The following POU2F1 variants were observed in gnomAD, a reference collection of about 807,000 sequenced individuals.
POU2F1 encodes the protein POU class 2 homeobox 1.
A neutral mutation model predicts 84.9 loss-of-function variants in POU2F1; 16 were observed. That is an observed-to-expected ratio of 0.19 (90% CI 0.13 to 0.29). The LOEUF is 0.29. POU2F1 is among the 10% of genes least tolerant of loss of function. POU2F1 has a pLI of 1.00. For missense variants in POU2F1, 738 were observed against 942.6 expected (o/e 0.78, Z 2.84); for synonymous variants, 368 against 368.3 (o/e 1.00, Z 0.01).
intron 9 of POU2F1, 152 bp from the exon 10 acceptor site, chr1:167,396,134 G>A: frequency 3.6e-6 from 3 of 830,714 alleles, no homozygotes; most frequent in Non-Finnish European, 3.8e-6. Flanking sequence ...CTGGCTTAGG[G>A]ATGGAGTTTA....
intron 1 of POU2F1, among the ~76,000 whole-genome samples, chr1:167,225,580 T>C (rs1648569795): frequency 6.6e-6 from 1 of 152,234 alleles, no homozygotes; most frequent in Admixed American, 6.5e-5. Context: ...ACCAAAGATG[T>C]TTAATAGACC....
chr1:167,249,874 A>G (rs187201488), intron 1 of POU2F1, among the ~76,000 whole-genome samples: 1 of 152,338 alleles, frequency 6.6e-6, no homozygotes, highest in African/African-American at 2.4e-5. Flanking sequence ...GCAGTGGAGC[A>G]CTGTGATGAG....
chr1:167,222,042 C>T (rs1052766330), intron 1 of POU2F1, among the ~76,000 whole-genome samples: 8 of 152,144 alleles, frequency 5.3e-5, no homozygotes, highest in African/African-American at 1.7e-4. Flanking sequence ...CCCCCACCCC[C>T]TGCGCCTGAC....
chr1:167,377,623 G>C (rs1660419842), intron 7 of POU2F1, among the ~76,000 whole-genome samples: 1 of 152,066 alleles, frequency 6.6e-6, no homozygotes. Flanking sequence ...TGAGGAATTA[G>C]AAAAGTTTCC....
chr1:167,413,056 C>G lies in POU2F1; in HGVS notation c.1932C>G (p.Thr644=). The G allele has an allele frequency of 2.5e-6, 4 of 1,614,102 alleles. No individual in the cohort carries two copies. The highest frequency in any genetic ancestry group is 3.4e-6 in the Non-Finnish European group (4 of 1,179,986). The change falls in exon 15 of 16, where the codon ACC becomes ACG. Residue 644 remains threonine (T), a synonymous_variant. Coordinates refer to ENST00000367866, the MANE Select transcript of POU2F1 (RefSeq NM_002697.4). The part of the protein sequence containing the change: ...GGALLSLNPG[T]LSGALSPALM... ...CCTTACTCAGTCTGAATCCAGGGAC[C>G]CTGAGCGGTGCTCTCAGCCCAGCTC...
chr1:167,357,221 A>G (rs1658996271), intron 2 of POU2F1, among the ~76,000 whole-genome samples: 1 of 151,818 alleles, frequency 6.6e-6, no homozygotes, highest in African/African-American at 2.4e-5. Context: ...TGGCCCCCTT[A>G]TCTTCTTCTT....
chr1:167,284,261 A>G (rs113588480), intron 1 of POU2F1, among the ~76,000 whole-genome samples: 5 of 152,302 alleles, frequency 3.3e-5, no homozygotes, highest in African/African-American at 1.2e-4. Context: ...AAGGACCATA[A>G]AGAGTATTTA....
intron 1 of POU2F1, among the ~76,000 whole-genome samples, chr1:167,286,900 G>A (rs1653569557): frequency 6.6e-6 from 1 of 152,154 alleles, no homozygotes; most frequent in Admixed American, 6.5e-5. Context: ...CAAGCTCAAG[G>A]ATGTGAAGGA....
At chr1:167,384,220 C>T (rs1647788667) in intron 8 of POU2F1, among the ~76,000 whole-genome samples, 1 of 152,146 alleles carries the variant, frequency 6.6e-6, no homozygotes, top group Non-Finnish European at 1.5e-5. Context: ...CATCTCCCCT[C>T]ACCATACTTG....
At chr1:167,384,751 A>G (rs1272410946) in intron 8 of POU2F1, among the ~76,000 whole-genome samples, 1 of 152,084 alleles carries the variant, frequency 6.6e-6, no homozygotes, top group East Asian at 1.9e-4. Flanking sequence ...CCAACATCAT[A>G]CTTCACGAAA....
chr1:167,267,630 C>CTTTTTTTT lies in POU2F1; in HGVS notation c.61+46690_61+46697dup, dbSNP rs71073658. Among the ~76,000 whole-genome samples, 384 of 70,422 alleles carry CTTTTTTTT rather than the reference C, an allele frequency of 5.5e-3. 16 individuals are homozygous for CTTTTTTTT. The highest frequency in any genetic ancestry group is 7.0e-3 in the Non-Finnish European group (280 of 40,238). 46.2% of individuals were successfully genotyped at this position (70,422 alleles called of 152,430 possible). A position where few individuals can be genotyped will look rare whatever the true frequency, so the allele number is the denominator to read the frequency against. On this transcript the variant is annotated intron_variant, in intron 1 of 15. Transcript: ENST00000367866. ...TGTGAAAGTATCACAGTTACTGTGT[C>CTTTTTTTT]TTTTTTTTTTTTTTTTTTTTTTTTT...
intron 1 of POU2F1, among the ~76,000 whole-genome samples, chr1:167,257,429 A>G (rs1571178812): frequency 6.6e-6 from 1 of 152,204 alleles, no homozygotes; most frequent in African/African-American, 2.4e-5. Context: ...CAGTTACTAT[A>G]ATTCTTTCCC....
intron 1 of POU2F1, among the ~76,000 whole-genome samples, chr1:167,266,830 G>A (rs1403588707): frequency 6.6e-6 from 1 of 151,948 alleles, no homozygotes; most frequent in East Asian, 1.9e-4. Flanking sequence ...TATCGTGTTG[G>A]CCAGGATGGT....
chr1:167,357,493 C>T (rs1385919997), intron 2 of POU2F1: 1 of 150,862 alleles, frequency 6.6e-6, no homozygotes, highest in Non-Finnish European at 1.5e-5. Flanking sequence ...CAGTCCTTCC[C>T]CTCTCAGCCC....
chr1:167,415,179 A>G (rs1650218846), intron 15 of POU2F1, among the ~76,000 whole-genome samples: 1 of 152,240 alleles, frequency 6.6e-6, no homozygotes, highest in Non-Finnish European at 1.5e-5. Flanking sequence ...GATTTATCAA[A>G]TATGTCTAGG....
intron 1 of POU2F1, among the ~76,000 whole-genome samples, chr1:167,249,853 G>A (rs1169237315): frequency 1.3e-5 from 2 of 152,172 alleles, no homozygotes; most frequent in Middle Eastern, 3.2e-3. Flanking sequence ...GTGAGGATGG[G>A]CCTTGTGTGT....
At chr1:167,397,370 T>C (rs1648882129) in intron 10 of POU2F1, among the ~76,000 whole-genome samples, 1 of 152,148 alleles carries the variant, frequency 6.6e-6, no homozygotes, top group Non-Finnish European at 1.5e-5. Flanking sequence ...CCAGAACTTA[T>C]AAACAAACAG....
intron 1 of POU2F1, among the ~76,000 whole-genome samples, chr1:167,295,054 G>A (rs948996000): frequency 6.6e-6 from 1 of 151,752 alleles, no homozygotes; most frequent in East Asian, 1.9e-4. Context: ...CCTGGGAGGC[G>A]GAGGTTGCAG....
intron 2 of POU2F1, among the ~76,000 whole-genome samples, chr1:167,346,784 G>T (rs1330416430): frequency 6.6e-6 from 1 of 152,118 alleles, no homozygotes; most frequent in Admixed American, 6.5e-5. Flanking sequence ...CAGGAGTTGG[G>T]GACCCCTGCT....
Sources: gnomAD v4.1 joint callset for allele counts (sites outside exome capture counted in the v4.1 genomes callset) on GRCh38, gnomAD v4.1.1 for gene constraint, MANE v1.5 for transcripts, NCBI Gene and HGNC (gene_info 2026-07-23, HGNC 2026-07-21) for gene names.